Variants in FOXE1 observed in about 807,000 individuals in gnomAD.
FOXE1 encodes forkhead box protein E1.
A neutral mutation model predicts 2.1 loss-of-function variants in FOXE1; 4 were observed. The observed-to-expected ratio is 1.91, with a 90% CI of 0.94 to 4.37. The LOEUF is 4.37. Among genes scored for constraint, FOXE1 ranks in the 30% most tolerant of loss-of-function variants. FOXE1 has a pLI of 0.01. For missense variants in FOXE1, 574 were observed against 583.3 expected (o/e 0.98, Z 0.16); for synonymous variants, 277 against 272.4 (o/e 1.02, Z -0.17).
rs1314827797 is a variant in FOXE1 at position 97,854,666 on chromosome 9, C to A, written c.752C>A (p.Ser251Tyr). 7.1e-7 allele frequency: 1 copy of A among 1,402,784 alleles called. No individual in the cohort carries two copies. The highest frequency in any genetic ancestry group is 1.5e-5 in the African/African-American group (1 of 65,778). 86.9% of individuals were successfully genotyped at this position (1,402,784 alleles called of 1,614,324 possible). A position where few individuals can be genotyped will look rare whatever the true frequency, so the allele number is the denominator to read the frequency against. Residue 251 changes from serine (S) to tyrosine (Y), a missense_variant, in exon 1 of 1, where the codon TCC becomes TAC. Physicochemically the swap from Ser to Tyr is moderately radical, Grantham distance 144. Transcript: ENST00000375123. Reference sequence around the variant, plus strand: ...CCCGGCGGCTCTTGCGCCTTTGCCTCCGCCGGCGCCCCCGCTACCACCACC... The same window carrying A: ...CCCGGCGGCTCTTGCGCCTTTGCCTACGCCGGCGCCCCCGCTACCACCACC... ...SGPGGSCAFASAGAPATTTGY... is the reference protein window; with the variant it reads ...SGPGGSCAFAYAGAPATTTGY...
rs1386044047 is a variant in FOXE1 at position 97,854,004 on chromosome 9, G to T, written c.90G>T (p.Gly30=). The change falls in exon 1 of 1, where the codon GGG becomes GGT. Residue 30 remains glycine, a synonymous_variant. Coordinates refer to ENST00000375123, the MANE Select transcript of FOXE1 (RefSeq NM_004473.4). ...EERGETAAGA[G]VPGEATGRGA... ...GCGGCGAGACGGCAGCAGGGGCCGG[G>T]GTCCCAGGGGAGGCCACGGGCCGCG... The T allele has an allele frequency of 2.2e-6, 3 of 1,357,530 alleles. No homozygotes were observed. The African/African-American group carries it at 4.6e-5, about 21-fold the overall frequency. The allele number at this position is 1,357,530 out of a possible 1,614,324, so 84.1% of individuals were successfully genotyped here.
rs914643348 is a variant in FOXE1, at chr9:97,855,152, G to A, written c.*116G>A. 5.3e-6 allele frequency: 7 copies of A among 1,320,340 alleles called. No homozygotes were observed. Among genetic ancestry groups the A allele is most frequent in the Non-Finnish European group, 7.5e-6 (7 of 938,112 alleles). The allele number at this position is 1,320,340 out of a possible 1,614,324, so 81.8% of individuals were successfully genotyped here. On this transcript the variant is annotated 3_prime_UTR_variant, in exon 1 of 1. Coordinates refer to ENST00000375123, the MANE Select transcript of FOXE1 (RefSeq NM_004473.4). The stretch of plus-strand genomic sequence containing the variant: ...CTGGGACCCACGTGGAAAAGACCGA[G>A]CAGGCCACAGAGGCTCGGTCTCCCC...
chr9:97,855,427 A>C lies in FOXE1; in HGVS notation c.*391A>C. ...GTGCTGCCGGAACTCGGGCCTTTTT[A>C]CGCGGTTCGTCCTCTAGTGCCTTTA... On this transcript the variant is annotated 3_prime_UTR_variant, in exon 1 of 1. Coordinates refer to ENST00000375123, the MANE Select transcript of FOXE1 (RefSeq NM_004473.4). 3.1e-6 allele frequency: 1 copy of C among 318,196 alleles called. No individual in the cohort carries two copies. Among genetic ancestry groups the C allele is most frequent in the Non-Finnish European group, 6.3e-6 (1 of 159,110 alleles). 19.7% of individuals were successfully genotyped at this position (318,196 alleles called of 1,614,324 possible).
chr9:97,855,182 A>C lies in FOXE1; in HGVS notation c.*146A>C, dbSNP rs1587809347. 9.6e-7 allele frequency: 1 copy of C among 1,037,294 alleles called. No homozygotes were observed. The highest frequency in any genetic ancestry group is 1.5e-6 in the Non-Finnish European group (1 of 681,712). 64.3% of individuals were successfully genotyped at this position (1,037,294 alleles called of 1,614,324 possible). A position where few individuals can be genotyped will look rare whatever the true frequency, so the allele number is the denominator to read the frequency against. On this transcript the variant is annotated 3_prime_UTR_variant, in exon 1 of 1. Coordinates refer to ENST00000375123, the MANE Select transcript of FOXE1 (RefSeq NM_004473.4). ...CCACAGAGGCTCGGTCTCCCCGCGC[A>C]CAGCGTAGGCACCCGGTGTACTCTG... is the stretch of plus-strand genomic sequence containing the variant.
rs559334062 is a variant in FOXE1, at chr9:97,855,596, C to G, written c.*560C>G. 9.3e-5 allele frequency: 17 copies of G among 183,378 alleles called. No individual in the cohort carries two copies. Among genetic ancestry groups the G allele is most frequent in the African/African-American group, 4.1e-4 (17 of 41,764 alleles). The allele number at this position is 183,378 out of a possible 1,614,324, so 11.4% of individuals were successfully genotyped here. ...TGACCTGGGCTGGTTTTCCCTGTCTCTGAGAACTTGAGACCTAGCTCCGAG... is the reference window on the plus strand; with the variant it reads ...TGACCTGGGCTGGTTTTCCCTGTCTGTGAGAACTTGAGACCTAGCTCCGAG... On this transcript the variant is annotated 3_prime_UTR_variant, in exon 1 of 1. Coordinates refer to ENST00000375123, the MANE Select transcript of FOXE1 (RefSeq NM_004473.4).
At position 97,855,653 on chromosome 9, in the gene FOXE1, A is replaced by T. The variant is rs1830662776; in HGVS notation, c.*617A>T. On this transcript the variant is annotated 3_prime_UTR_variant, in exon 1 of 1. Transcript: ENST00000375123. ...TGTGCGTCAGCACTCCAGTCCCATCACCTGAACCTTCAGTCTCCCCCATCT... is the reference window on the plus strand; with the variant it reads ...TGTGCGTCAGCACTCCAGTCCCATCTCCTGAACCTTCAGTCTCCCCCATCT... The T allele has an allele frequency of 5.9e-6, 1 of 169,908 alleles. No individual in the cohort carries two copies. The highest frequency in any genetic ancestry group is 1.4e-5 in the Non-Finnish European group (1 of 70,056). The allele number at this position is 169,908 out of a possible 1,614,324, so 10.5% of individuals were successfully genotyped here. A position where few individuals can be genotyped will look rare whatever the true frequency, so the allele number is the denominator to read the frequency against.
At position 97,855,379 on chromosome 9, in the gene FOXE1, G is replaced by T; in HGVS notation, c.*343G>T. 1 of 424,548 alleles carries T rather than the reference G, an allele frequency of 2.4e-6. No homozygotes were observed. The highest frequency in any genetic ancestry group is 4.5e-6 in the Non-Finnish European group (1 of 221,848). 26.3% of individuals were successfully genotyped at this position (424,548 alleles called of 1,614,324 possible). On this transcript the variant is annotated 3_prime_UTR_variant, in exon 1 of 1. Transcript: ENST00000375123. ...ACCAGAGACCAGGATCCAAATTGTGGGGAATCAGTTTCAGCCTTCCATGTG... is the reference window on the plus strand; with the variant it reads ...ACCAGAGACCAGGATCCAAATTGTGTGGAATCAGTTTCAGCCTTCCATGTG...
At position 97,854,412 on chromosome 9, in the gene FOXE1, TGCCGCAGCCGCCGCCGCCGCC is replaced by T. The variant is rs1349240336; in HGVS notation, c.504_524del (p.Ala173_Ala179del). On this transcript the variant is annotated inframe_deletion, in exon 1 of 1. Coordinates refer to ENST00000375123, the MANE Select transcript of FOXE1 (RefSeq NM_004473.4). ...CGGCTTACATGCACGACGCGGCGGC[TGCCGCAGCCGCCGCCGCCGCC>T]GCCGCCGCCGCCGCCGCCATCTTCC... is the stretch of plus-strand genomic sequence containing the variant. 20 of 1,192,270 alleles carry T rather than the reference TGCCGCAGCCGCCGCCGCCGCC, an allele frequency of 1.7e-5. No individual in the cohort carries two copies. Among genetic ancestry groups the T allele is most frequent in the Admixed American group, 5.1e-5 (1 of 19,776 alleles). The allele number at this position is 1,192,270 out of a possible 1,614,324, so 73.9% of individuals were successfully genotyped here.
Position 97,854,811 on chromosome 9 carries a change from T to C in FOXE1, c.897T>C (p.Ala299=). ...GCGCCGGCAGTGCGATCTTTGCCGC[T>C]GCTGGCCGCCTGGCGGGACCCGCTT... ...PQGAGSAIFA[A]AGRLAGPASP... The change falls in exon 1 of 1, where the codon GCT becomes GCC. Residue 299 remains alanine, a synonymous_variant. Transcript: ENST00000375123. 1 of 1,532,988 alleles carries C rather than the reference T, an allele frequency of 6.5e-7. No individual in the cohort carries two copies. Among genetic ancestry groups the C allele is most frequent in the Non-Finnish European group, 8.7e-7 (1 of 1,146,164 alleles). 95.0% of individuals were successfully genotyped at this position (1,532,988 alleles called of 1,614,324 possible). A position where few individuals can be genotyped will look rare whatever the true frequency, so the allele number is the denominator to read the frequency against.
Position 97,856,095 on chromosome 9 carries a change from T to C in FOXE1, c.*1059T>C, listed in dbSNP as rs1397369552. On this transcript the variant is annotated 3_prime_UTR_variant, in exon 1 of 1. Transcript: ENST00000375123. Reference sequence around the variant, plus strand: ...GAGATGAGAGGATTCAAGGAGCCCGTTGGTGACGCCTTTCAGTAGCTGGGG... The same window carrying C: ...GAGATGAGAGGATTCAAGGAGCCCGCTGGTGACGCCTTTCAGTAGCTGGGG... The C allele has an allele frequency of 6.0e-6, 1 of 166,626 alleles. No homozygotes were observed. The highest frequency in any genetic ancestry group is 1.5e-5 in the Non-Finnish European group (1 of 68,118). 10.3% of individuals were successfully genotyped at this position (166,626 alleles called of 1,614,324 possible).
In FOXE1 at chr9:97,854,984, G is replaced by T. The variant is rs751221581; in HGVS notation, c.1070G>T (p.Arg357Leu). 1 of 1,607,234 alleles carries T rather than the reference G, an allele frequency of 6.2e-7. No homozygotes were observed. Among genetic ancestry groups the T allele is most frequent in the Middle Eastern group, 1.7e-4 (1 of 6,048 alleles). ...GGASAGAYHA[R>L]HAAAYPGGID... The stretch of plus-strand genomic sequence containing the variant: ...GCCAGTGCAGGCGCCTACCATGCTC[G>T]CCATGCTGCCGCTTATCCCGGTGGG... The change falls in exon 1 of 1, where the codon CGC (arginine) becomes CTC (leucine). Residue 357 changes from arginine (R) to leucine (L), a missense_variant. Coordinates refer to ENST00000375123, the MANE Select transcript of FOXE1 (RefSeq NM_004473.4).
rs71369530 is a variant in FOXE1 at position 97,854,418 on chromosome 9, A to AGCCGCC, written c.532_537dup (p.Ala178_Ala179dup). 127 of 1,219,926 alleles carry AGCCGCC rather than the reference A, an allele frequency of 1.0e-4. No homozygotes were observed. The highest frequency in any genetic ancestry group is 1.3e-4 in the African/African-American group (8 of 61,480). 75.6% of individuals were successfully genotyped at this position (1,219,926 alleles called of 1,614,324 possible). A position where few individuals can be genotyped will look rare whatever the true frequency, so the allele number is the denominator to read the frequency against. On this transcript the variant is annotated inframe_insertion, in exon 1 of 1. Coordinates refer to ENST00000375123, the MANE Select transcript of FOXE1 (RefSeq NM_004473.4). Reference sequence around the variant, plus strand: ...ACATGCACGACGCGGCGGCTGCCGCAGCCGCCGCCGCCGCCGCCGCCGCCG... The same window carrying AGCCGCC: ...ACATGCACGACGCGGCGGCTGCCGCAGCCGCCGCCGCCGCCGCCGCCGCCGCCGCCG...
rs1289438181 is a variant in FOXE1 at position 97,854,603 on chromosome 9, G to T, written c.689G>T (p.Arg230Leu). 2.0e-5 allele frequency: 27 copies of T among 1,357,254 alleles called. No individual in the cohort carries two copies. The highest frequency in any genetic ancestry group is 2.4e-5 in the Non-Finnish European group (26 of 1,061,658). The allele number at this position is 1,357,254 out of a possible 1,614,324, so 84.1% of individuals were successfully genotyped here. A position where few individuals can be genotyped will look rare whatever the true frequency, so the allele number is the denominator to read the frequency against. ...PCRVFGLVPE[R>L]PLSPELGPAP... ...CGCGTCTTCGGCCTGGTTCCTGAGC[G>T]GCCGCTCAGCCCAGAGCTGGGGCCC... is the stretch of plus-strand genomic sequence containing the variant. The change falls in exon 1 of 1, where the codon CGG (arginine) becomes CTG (leucine). Residue 230 changes from arginine to leucine, a missense_variant. This residue lies in a region of FOXE1 where 316 missense variants were observed against 288.4 expected (regional missense o/e 1.10). Transcript: ENST00000375123.
At position 97,854,507 on chromosome 9, in the gene FOXE1, C is replaced by G. The variant is rs1222011725; in HGVS notation, c.593C>G (p.Ala198Gly). 6 of 1,243,040 alleles carry G rather than the reference C, an allele frequency of 4.8e-6. No individual in the cohort carries two copies. In the East Asian group the frequency reaches 2.0e-4, roughly 41 times the overall value. 77.0% of individuals were successfully genotyped at this position (1,243,040 alleles called of 1,614,324 possible). A position where few individuals can be genotyped will look rare whatever the true frequency, so the allele number is the denominator to read the frequency against. Residue 198 changes from alanine (A) to glycine (G), a missense_variant, in exon 1 of 1, where the codon GCA becomes GGA. Ala to Gly is a moderately conservative substitution (Grantham distance 60). Coordinates refer to ENST00000375123, the MANE Select transcript of FOXE1 (RefSeq NM_004473.4). ...CCCCCCTACCCGGGCGCCGTCTATG[C>G]AGGCTACGCGCCGCCGTCGCTGGCC... ...ARPPYPGAVYAGYAPPSLAAP... is the reference protein window; with the variant it reads ...ARPPYPGAVYGGYAPPSLAAP...
Position 97,854,495 on chromosome 9 carries a change from G to C in FOXE1, c.581G>C (p.Gly194Ala). The change falls in exon 1 of 1, where the codon GGC becomes GCC. Residue 194 changes from glycine to alanine, a missense_variant. Transcript: ENST00000375123. Reference sequence around the variant, plus strand: ...CCCGCCGCGCGCCCCCCCTACCCGGGCGCCGTCTATGCAGGCTACGCGCCG... The same window carrying C: ...CCCGCCGCGCGCCCCCCCTACCCGGCCGCCGTCTATGCAGGCTACGCGCCG... ...AVPAARPPYP[G>A]AVYAGYAPPS... is the part of the protein sequence containing the mutation. 4.1e-6 allele frequency: 5 copies of C among 1,229,070 alleles called. No individual in the cohort carries two copies. Among genetic ancestry groups the C allele is most frequent in the Non-Finnish European group, 5.1e-6 (5 of 988,894 alleles). The allele number at this position is 1,229,070 out of a possible 1,614,324, so 76.1% of individuals were successfully genotyped here. A position where few individuals can be genotyped will look rare whatever the true frequency, so the allele number is the denominator to read the frequency against.
chr9:97,855,157 C>T lies in FOXE1; in HGVS notation c.*121C>T. On this transcript the variant is annotated 3_prime_UTR_variant, in exon 1 of 1. Transcript: ENST00000375123. ...ACCCACGTGGAAAAGACCGAGCAGG[C>T]CACAGAGGCTCGGTCTCCCCGCGCA... 7.9e-7 allele frequency: 1 copy of T among 1,269,144 alleles called. No individual in the cohort carries two copies. Among genetic ancestry groups the T allele is most frequent in the South Asian group, 1.3e-5 (1 of 78,288 alleles). The allele number at this position is 1,269,144 out of a possible 1,614,324, so 78.6% of individuals were successfully genotyped here.
In FOXE1 at chr9:97,854,262, C is replaced by A. The variant is rs747503369; in HGVS notation, c.348C>A (p.Arg116=). The change falls in exon 1 of 1, where the codon CGC becomes CGA. Residue 116 remains arginine (R), a synonymous_variant. Transcript: ENST00000375123. ...ACGACTGCTTCCTCAAGATCCCGCG[C>A]GAGGCCGGCCGCCCGGGTAAGGGCA... The part of the protein sequence containing the change: ...TLNDCFLKIP[R]EAGRPGKGNY... 1 of 1,612,792 alleles carries A rather than the reference C, an allele frequency of 6.2e-7. No individual in the cohort carries two copies. The highest frequency in any genetic ancestry group is 2.2e-5 in the East Asian group (1 of 44,808).
rs1830670361 is a variant in FOXE1 at position 97,856,319 on chromosome 9, T to C, written c.*1283T>C. On this transcript the variant is annotated 3_prime_UTR_variant, in exon 1 of 1. Transcript: ENST00000375123. ...GTCCAATAACTCTCCCCCTTTCCCT[T>C]GAGAAATCTTTAAGTTTCGATTCTG... The C allele has an allele frequency of 6.0e-6, 1 of 167,104 alleles. No homozygotes were observed. Among genetic ancestry groups the C allele is most frequent in the South Asian group, 2.1e-4 (1 of 4,834 alleles). The allele number at this position is 167,104 out of a possible 1,614,324, so 10.4% of individuals were successfully genotyped here. A position where few individuals can be genotyped will look rare whatever the true frequency, so the allele number is the denominator to read the frequency against.
rs1830659646 is a variant in FOXE1 at position 97,855,390 on chromosome 9, T to A, written c.*354T>A. 9 of 400,938 alleles carry A rather than the reference T, an allele frequency of 2.2e-5. 1 individual carries two copies. In the South Asian group the frequency reaches 2.8e-4, roughly 13 times the overall value. 24.8% of individuals were successfully genotyped at this position (400,938 alleles called of 1,614,324 possible). ...GGATCCAAATTGTGGGGAATCAGTT[T>A]CAGCCTTCCATGTGCTGCCGGAACT... On this transcript the variant is annotated 3_prime_UTR_variant, in exon 1 of 1. Coordinates refer to ENST00000375123, the MANE Select transcript of FOXE1 (RefSeq NM_004473.4).
Sources: gnomAD v4.1 joint callset for allele counts on GRCh38, gnomAD v4.1.1 for gene constraint, gnomAD v4.1.1 regional missense constraint, MANE v1.5 for transcripts, NCBI Gene and HGNC (gene_info 2026-07-23, HGNC 2026-07-21) for gene names.